The following ASTN2 variants were observed in gnomAD, a reference collection of about 807,000 sequenced individuals.
ASTN2 encodes astrotactin-2.
In ASTN2, 54 loss-of-function variants were observed where a neutral mutation model predicts 139.8. The ratio of observed to expected loss-of-function variants is 0.39; its 90% CI spans 0.31 to 0.48. ASTN2 has a LOEUF of 0.48. ASTN2 is among the 20% of genes least tolerant of loss of function. The pLI is 0.95. For synonymous variants in ASTN2, 756 were observed against 719.5 expected (o/e 1.05, Z -0.81); for missense variants, 1,565 against 1,725.1 (o/e 0.91, Z 1.64).
intron 2 of ASTN2, 50 bp downstream of exon 2, chr9:117,291,276 T>A: frequency 1.3e-6 from 2 of 1,516,480 alleles, no homozygotes; most frequent in Non-Finnish European, 1.8e-6. Flanking sequence ...TCTCCACCCA[T>A]TCCTCCCCCA....
chr9:117,080,199 T>C (rs1445021419), intron 5 of ASTN2, among the ~76,000 whole-genome samples: 1 of 152,250 alleles, frequency 6.6e-6, no homozygotes, highest in Non-Finnish European at 1.5e-5. Flanking sequence ...GTGATTCACC[T>C]ACATATTTCT....
intron 1 of ASTN2, among the ~76,000 whole-genome samples, chr9:117,370,854 CATG>C (rs769974038): frequency 6.6e-6 from 1 of 152,098 alleles, no homozygotes; most frequent in Non-Finnish European, 1.5e-5. Context: ...GGGATACAGG[CATG>C]AGCCACAACT....
intron 1 of ASTN2, among the ~76,000 whole-genome samples, chr9:117,307,477 A>G (rs1835031416): frequency 6.6e-6 from 1 of 152,224 alleles, no homozygotes; most frequent in Non-Finnish European, 1.5e-5. Context: ...CCTCATGTAG[A>G]TATGCACATA....
intron 10 of ASTN2, among the ~76,000 whole-genome samples, chr9:116,953,722 C>T (rs1461887312): frequency 6.6e-6 from 1 of 152,234 alleles, no homozygotes; most frequent in Non-Finnish European, 1.5e-5. Context: ...ATGTGCTCAA[C>T]ACTTGATCCT....
chr9:116,892,482 G>A (rs987751946), intron 10 of ASTN2, among the ~76,000 whole-genome samples: 3 of 152,150 alleles, frequency 2.0e-5, no homozygotes, highest in Non-Finnish European at 4.4e-5. Context: ...TGGGTGGGGT[G>A]GCTGGGAGCT....
chr9:116,624,209 T>C (rs1326265114), intron 17 of ASTN2, among the ~76,000 whole-genome samples: 1 of 152,216 alleles, frequency 6.6e-6, no homozygotes, highest in Non-Finnish European at 1.5e-5. Context: ...GACTCTCTTG[T>C]TACTTTCCTT....
rs1023091569 is a variant in ASTN2, at chr9:117,214,386, C to A, written c.987G>T (p.Gly329=). The change falls in exon 3 of 23, where the codon GGG becomes GGT. Residue 329 remains glycine (G), a synonymous_variant. Coordinates refer to ENST00000313400, the MANE Select transcript of ASTN2 (RefSeq NM_001365068.1). ...THTLDSLGHP[G]EEKVDFEKKA... Reference sequence around the variant, plus strand: ...TCTTCTCAAAGTCCACCTTCTCTTCCCCTGGATGTCCCAGACTGTCCAGAG... The same window carrying A: ...TCTTCTCAAAGTCCACCTTCTCTTCACCTGGATGTCCCAGACTGTCCAGAG... 6.3e-7 allele frequency: 1 copy of A among 1,593,892 alleles called. No homozygotes were observed. The highest frequency in any genetic ancestry group is 8.6e-7 in the Non-Finnish European group (1 of 1,163,796).
chr9:116,600,596 T>C (rs899699511), intron 19 of ASTN2, among the ~76,000 whole-genome samples: 1 of 152,178 alleles, frequency 6.6e-6, no homozygotes, highest in African/African-American at 2.4e-5. Flanking sequence ...ATTGTCCTCT[T>C]ACTTGGAAGG....
chr9:116,900,447 G>A (rs186841409), intron 10 of ASTN2, among the ~76,000 whole-genome samples: 2 of 152,154 alleles, frequency 1.3e-5, no homozygotes, highest in East Asian at 3.9e-4. Flanking sequence ...GGAGTCTATG[G>A]TTTCTGTGAT....
chr9:116,847,307 C>T lies in ASTN2; in HGVS notation c.2040+16276G>A, dbSNP rs535246501. ...ATTTTTGTATTTTTAGTAGAGACGG[C>T]GTTTCACTATGTTGGCCAGGATGGT... On this transcript the variant is annotated intron_variant, in intron 11 of 22. Coordinates refer to ENST00000313400, the MANE Select transcript of ASTN2 (RefSeq NM_001365068.1). 5.9e-4 allele frequency among the ~76,000 whole-genome samples: 90 copies of T among 152,032 alleles called. 1 individual carries two copies. In the South Asian group the frequency reaches 0.015, roughly 25 times the overall value.
intron 10 of ASTN2, among the ~76,000 whole-genome samples, chr9:116,913,176 CT>C (rs1834361624): frequency 1.3e-5 from 2 of 152,188 alleles, no homozygotes; most frequent in Non-Finnish European, 2.9e-5. Flanking sequence ...ACTGCTGGAA[CT>C]ACAGGCATGA....
At chr9:116,693,501 A>G (rs142702527) in intron 16 of ASTN2, among the ~76,000 whole-genome samples, 1 of 152,338 alleles carries the variant, frequency 6.6e-6, no homozygotes, top group South Asian at 2.1e-4. Context: ...TAAGGGACAG[A>G]TTCTCATCGG....
At chr9:117,196,946 C>G (rs763254639) in intron 3 of ASTN2, among the ~76,000 whole-genome samples, 1 of 152,050 alleles carries the variant, frequency 6.6e-6, no homozygotes, top group Non-Finnish European at 1.5e-5. Flanking sequence ...AATGGATATG[C>G]CAGCATTTAT....
chr9:116,784,183 T>C (rs1310796278), intron 13 of ASTN2, among the ~76,000 whole-genome samples: 1 of 152,146 alleles, frequency 6.6e-6, no homozygotes, highest in African/African-American at 2.4e-5. Context: ...AGCTCCGAAG[T>C]CTGTATTGTG....
At chr9:117,248,763 T>C (rs1833455494) in intron 2 of ASTN2, among the ~76,000 whole-genome samples, 1 of 152,152 alleles carries the variant, frequency 6.6e-6, no homozygotes, top group Non-Finnish European at 1.5e-5. Context: ...AAACACCCCA[T>C]CTGGAAAAGG....
At chr9:116,644,431 CTCTT>C (rs1857492286) in intron 17 of ASTN2, among the ~76,000 whole-genome samples, 1 of 152,152 alleles carries the variant, frequency 6.6e-6, no homozygotes, top group Admixed American at 6.5e-5. Flanking sequence ...CATTGAAAGT[CTCTT>C]AATTTTTCTA....
chr9:117,237,387 C>A (rs1469853460), intron 2 of ASTN2, among the ~76,000 whole-genome samples: 1 of 152,152 alleles, frequency 6.6e-6, no homozygotes, highest in African/African-American at 2.4e-5. Flanking sequence ...AATCACAGAG[C>A]CCAGTTAGTA....
chr9:116,692,670 C>T (rs866001079), intron 16 of ASTN2, among the ~76,000 whole-genome samples: 10 of 152,182 alleles, frequency 6.6e-5, no homozygotes, highest in Non-Finnish European at 1.5e-4. Flanking sequence ...ACTGTCCACT[C>T]CTAGTTCGTG....
chr9:117,228,118 G>T (rs939128585), intron 2 of ASTN2, among the ~76,000 whole-genome samples: 1 of 151,992 alleles, frequency 6.6e-6, no homozygotes, highest in African/African-American at 2.4e-5. Context: ...ACAATAACAG[G>T]TGCCTTTTCC....
Sources: allele counts gnomAD v4.1 joint callset (sites outside exome capture counted in the v4.1 genomes callset), GRCh38; gene constraint gnomAD v4.1.1; transcripts MANE v1.5; gene names NCBI Gene and HGNC (gene_info 2026-07-23, HGNC 2026-07-21).